Variants in TLK1 observed in about 807,000 individuals in gnomAD.
TLK1 encodes tousled like kinase 1.
A neutral mutation model predicts 105.3 loss-of-function variants in TLK1; 24 were observed. The ratio of observed to expected loss-of-function variants is 0.23; its 90% CI spans 0.17 to 0.32. TLK1 has a LOEUF of 0.32. Ranked by LOEUF, TLK1 falls within the 10% of genes least tolerant of loss-of-function variation. The pLI is 1.00. For missense variants in TLK1, 558 were observed against 910.5 expected, an observed-to-expected ratio of 0.61 and a Z score of 4.98; for synonymous variants, 321 against 310.4, an observed-to-expected ratio of 1.03 and a Z score of -0.36.
At chr2:171,202,452 CA>C (rs879667751) in intron 1 of TLK1, among the ~76,000 whole-genome samples, 173 of 132,344 alleles carry the variant, frequency 1.3e-3, no homozygotes, top group Middle Eastern at 4.6e-3. Context: ...AATTCCAACT[CA>C]AAAAAAAAAA....
intron 1 of TLK1, among the ~76,000 whole-genome samples, chr2:171,120,106 G>T (rs1020582201): frequency 6.6e-6 from 1 of 151,796 alleles, no homozygotes; most frequent in African/African-American, 2.4e-5. Context: ...AAAATTAGCC[G>T]AGCGTGGTGG....
intron 13 of TLK1, among the ~76,000 whole-genome samples, chr2:171,013,318 CTTTTTTTTTT>C (rs774923512): frequency 5.9e-4 from 44 of 74,138 alleles, no homozygotes; most frequent in African/African-American, 7.7e-4. Context: ...TGGCCCCTCA[CTTTTTTTTTT>C]TTTTTTTTTT....
chr2:171,199,309 C>T (rs1286999214), intron 1 of TLK1, among the ~76,000 whole-genome samples: 1 of 152,106 alleles, frequency 6.6e-6, no homozygotes, highest in African/African-American at 2.4e-5. Context: ...CCAGGAATTA[C>T]AGACCAGCCT....
At chr2:171,081,520 C>T (rs1279160839) in intron 3 of TLK1, 2 of 462,562 alleles carry the variant, frequency 4.3e-6, no homozygotes, top group East Asian at 8.0e-5. Flanking sequence ...ATTCTTGATA[C>T]ACTTTTTAAA....
chr2:171,059,935 C>T (rs372539040), intron 4 of TLK1: 68 of 1,526,058 alleles, frequency 4.5e-5, no homozygotes, highest in African/African-American at 3.4e-4. Context: ...TCCTGCTGTA[C>T]GACCCATTTC....
chr2:171,022,528 C>A (rs1199899794), intron 12 of TLK1, among the ~76,000 whole-genome samples: 1 of 152,204 alleles, frequency 6.6e-6, no homozygotes, highest in South Asian at 2.1e-4. Context: ...TCCCAGAATT[C>A]CACTGAAAAC....
intron 1 of TLK1, among the ~76,000 whole-genome samples, chr2:171,139,577 G>A (rs1202332451): frequency 1.3e-5 from 2 of 152,120 alleles, no homozygotes; most frequent in Non-Finnish European, 2.9e-5. Context: ...CTGGGCAACA[G>A]AGTGAGACTC....
chr2:171,154,223 G>A (rs1464791183), intron 1 of TLK1, among the ~76,000 whole-genome samples: 2 of 151,910 alleles, frequency 1.3e-5, no homozygotes, highest in African/African-American at 4.8e-5. Context: ...ATATAACCTT[G>A]CAAAGGTTAT....
chr2:171,161,427 G>A (rs1339166938), upstream of TLK1, among the ~76,000 whole-genome samples: 1 of 152,140 alleles, frequency 6.6e-6, no homozygotes, highest in Non-Finnish European at 1.5e-5. Context: ...ACGTATGTGC[G>A]CCTCCCCGTC....
rs1218473937 is a variant in TLK1, at chr2:171,039,884, T to A, written c.1169+6290A>T. ...AACAGACCCCTTTGTAATTTTCCTTTACAAAGGAAAATTTGTAAAGGGTAT... is the reference window on the plus strand; with the variant it reads ...AACAGACCCCTTTGTAATTTTCCTTAACAAAGGAAAATTTGTAAAGGGTAT... On this transcript the variant is annotated intron_variant, in intron 11 of 20. Coordinates refer to ENST00000431350, the MANE Select transcript of TLK1 (RefSeq NM_012290.5). 3.3e-5 allele frequency among the ~76,000 whole-genome samples: 5 copies of A among 152,304 alleles called. 1 individual carries two copies. Among genetic ancestry groups the A allele is most frequent in the Admixed American group, 2.0e-4 (3 of 15,298 alleles).
intron 1 of TLK1, among the ~76,000 whole-genome samples, chr2:171,165,915 A>G (rs1408681142): frequency 1.3e-5 from 2 of 152,172 alleles, no homozygotes; most frequent in Non-Finnish European, 2.9e-5. Flanking sequence ...CATCTCAAAA[A>G]AAAGAAATGA....
chr2:171,154,835 G>A lies in TLK1; in HGVS notation c.139+5455C>T, dbSNP rs538652278. The stretch of plus-strand genomic sequence containing the variant: ...TTAAATCCAAATGCAACAAGTACAT[G>A]AGGTCTCAAGCTGGGTATTATTACT... On this transcript the variant is annotated intron_variant, in intron 1 of 20. Transcript: ENST00000431350. Among the ~76,000 whole-genome samples the A allele has an allele frequency of 2.0e-5, 3 of 152,284 alleles. No individual in the cohort carries two copies. The South Asian group carries it at 6.2e-4, about 32-fold the overall frequency.
chr2:171,211,971 G>A (rs1290602060), intron 1 of TLK1, among the ~76,000 whole-genome samples: 2 of 151,666 alleles, frequency 1.3e-5, no homozygotes, highest in Non-Finnish European at 2.9e-5. Flanking sequence ...TCAGTCACCC[G>A]AGTAGCTGGA....
intron 1 of TLK1, among the ~76,000 whole-genome samples, chr2:171,230,432 A>T (rs1693974519): frequency 6.6e-6 from 1 of 152,172 alleles, no homozygotes; most frequent in South Asian, 2.1e-4. Context: ...ATTCCAGGGA[A>T]ATAGCTGACA....
intron 3 of TLK1, among the ~76,000 whole-genome samples, chr2:171,076,617 G>C (rs1051652777): frequency 7.2e-5 from 11 of 151,840 alleles, no homozygotes; most frequent in Admixed American, 7.2e-4. Flanking sequence ...AGAAAACACT[G>C]AGCAGGACGT....
chr2:171,129,878 A>C (rs979978384), intron 1 of TLK1, among the ~76,000 whole-genome samples: 14 of 150,996 alleles, frequency 9.3e-5, no homozygotes, highest in African/African-American at 3.4e-4. Flanking sequence ...AACATAACAT[A>C]ACATAACATG....
chr2:171,130,696 AAAAT>A (rs1691067713), intron 1 of TLK1, among the ~76,000 whole-genome samples: 1 of 152,184 alleles, frequency 6.6e-6, no homozygotes, highest in Non-Finnish European at 1.5e-5. Flanking sequence ...ATAAGGAACA[AAAAT>A]AAATAAATTT....
intron 2 of TLK1, among the ~76,000 whole-genome samples, chr2:171,106,741 T>C (rs987067590): frequency 6.6e-6 from 1 of 152,212 alleles, no homozygotes; most frequent in Non-Finnish European, 1.5e-5. Context: ...TACCTATTAA[T>C]ACTGCATCTC....
At chr2:171,151,622 C>T (rs1308682020) in intron 1 of TLK1, among the ~76,000 whole-genome samples, 1 of 151,498 alleles carries the variant, frequency 6.6e-6, no homozygotes, top group Non-Finnish European at 1.5e-5. Context: ...CTACAGGCGC[C>T]CACCACCACG....
Sources: allele counts gnomAD v4.1 joint callset (sites outside exome capture counted in the v4.1 genomes callset), GRCh38; gene constraint gnomAD v4.1.1; transcripts MANE v1.5; gene names NCBI Gene and HGNC (gene_info 2026-07-23, HGNC 2026-07-21).